The following YLPM1 variants were observed in gnomAD, a reference collection of about 807,000 sequenced individuals.
YLPM1 encodes YLP motif containing 1.
A neutral mutation model predicts 230.0 loss-of-function variants in YLPM1; 99 were observed. That is an observed-to-expected ratio of 0.43 (90% CI 0.37 to 0.51). The LOEUF is 0.51. YLPM1 is among the 20% of genes least tolerant of loss of function. The pLI is 0.00. For synonymous variants in YLPM1, 984 were observed against 942.5 expected, an observed-to-expected ratio of 1.04 and a Z score of -0.81; for missense variants, 2,592 against 2,707.7, an observed-to-expected ratio of 0.96 and a Z score of 0.95.
At chr14:74,817,556 A>G (rs764836572) in intron 15 of YLPM1, among the ~76,000 whole-genome samples, 18 of 152,226 alleles carry the variant, frequency 1.2e-4, no homozygotes, top group Non-Finnish European at 2.2e-4. Context: ...TGTTCACACA[A>G]TGACAAAATT....
intron 4 of YLPM1, among the ~76,000 whole-genome samples, chr14:74,794,160 A>T (rs1211011370): frequency 6.6e-6 from 1 of 151,120 alleles, no homozygotes; most frequent in Admixed American, 6.6e-5. Context: ...GCTGAGCTAA[A>T]CTCCATTTCC....
Position 74,781,831 on chromosome 14 carries a change from G to A in YLPM1, c.1788G>A (p.Leu596=). 2 of 1,604,944 alleles carry A rather than the reference G, an allele frequency of 1.2e-6. No individual in the cohort carries two copies. The highest frequency in any genetic ancestry group is 1.7e-6 in the Non-Finnish European group (2 of 1,177,392). ...GPPPVLPPPS[L]SSAGPPPVLP... Reference sequence around the variant, plus strand: ...CACCAGTTCTCCCCCCACCTTCCCTGTCTTCTGCAGGGCCACCACCAGTTC... The same window carrying A: ...CACCAGTTCTCCCCCCACCTTCCCTATCTTCTGCAGGGCCACCACCAGTTC... The change falls in exon 4 of 21, where the codon CTG becomes CTA. Residue 596 remains leucine (L), a synonymous_variant. Transcript: ENST00000325680.
chr14:74,793,134 A>T (rs1024448174), intron 4 of YLPM1, among the ~76,000 whole-genome samples: 28 of 151,984 alleles, frequency 1.8e-4, no homozygotes, highest in African/African-American at 6.8e-4. Context: ...CTGAAATTTC[A>T]GTGTTTTTTG....
At chr14:74,769,789 C>T (rs2090956001) in intron 1 of YLPM1, among the ~76,000 whole-genome samples, 1 of 151,508 alleles carries the variant, frequency 6.6e-6, no homozygotes, top group African/African-American at 2.4e-5. Context: ...ACCTGTAATC[C>T]CAGTTCTTTG....
At chr14:74,815,751 T>C (rs112816046) in intron 11 of YLPM1, among the ~76,000 whole-genome samples, 2 of 152,168 alleles carry the variant, frequency 1.3e-5, no homozygotes, top group African/African-American at 4.8e-5. Context: ...AAGTTATTGA[T>C]TTGAGACCTA....
At chr14:74,765,142 ATTC>A (rs1164566170) in intron 1 of YLPM1, among the ~76,000 whole-genome samples, 3 of 152,246 alleles carry the variant, frequency 2.0e-5, no homozygotes, top group Non-Finnish European at 2.9e-5. Context: ...AGAGTCAGCC[ATTC>A]TTATCCCGCA....
At position 74,799,272 on chromosome 14, in the gene YLPM1, A is replaced by G. The variant is rs778221363; in HGVS notation, c.3975A>G (p.Glu1325=). The change falls in exon 5 of 21, where the codon GAA becomes GAG. Residue 1325 remains glutamate (E), a synonymous_variant. Transcript: ENST00000325680. ...PLDEQESQFR[E]RDIPSLPPLP... ...ATGAACAAGAATCACAGTTTCGTGA[A>G]CGGGATATTCCATCTCTTCCACCTT... is the stretch of plus-strand genomic sequence containing the variant. 1 of 1,614,020 alleles carries G rather than the reference A, an allele frequency of 6.2e-7. No individual in the cohort carries two copies. Among genetic ancestry groups the G allele is most frequent in the Non-Finnish European group, 8.5e-7 (1 of 1,179,896 alleles).
Position 74,797,897 on chromosome 14 carries a change from C to T in YLPM1, c.2600C>T (p.Ala867Val). Residue 867 changes from alanine (A) to valine (V), a missense_variant, in exon 5 of 21, where the codon GCA becomes GTA. Transcript: ENST00000325680. ...CTTTCAGGAAACAAAGAACCATTAG[C>T]AGACACCAGTAGTAACCAGCAGAAG... ...EPLSGNKEPL[A>V]DTSSNQQKNF... 1 of 1,613,982 alleles carries T rather than the reference C, an allele frequency of 6.2e-7. No homozygotes were observed. Among genetic ancestry groups the T allele is most frequent in the Non-Finnish European group, 8.5e-7 (1 of 1,179,876 alleles).
At chr14:74,769,749 A>G (rs1251370752) in intron 1 of YLPM1, among the ~76,000 whole-genome samples, 1 of 151,546 alleles carries the variant, frequency 6.6e-6, no homozygotes, top group African/African-American at 2.4e-5. Context: ...AATGAACTCT[A>G]AAGAATAAGT....
chr14:74,799,409 T>C lies in YLPM1; in HGVS notation c.4112T>C (p.Leu1371Ser). The C allele has an allele frequency of 6.2e-7, 1 of 1,613,882 alleles. No homozygotes were observed. The highest frequency in any genetic ancestry group is 8.5e-7 in the Non-Finnish European group (1 of 1,179,876). ...YDRDFRDRGE[L>S]RIREYPERGD... ...CGAGATTTCCGTGATAGGGGTGAGT[T>C]GAGGATTCGAGAGTATCCAGAAAGA... The change falls in exon 5 of 21, where the codon TTG (leucine) becomes TCG (serine). Residue 1371 changes from leucine (L) to serine (S), a missense_variant. Physicochemically the swap from Leu to Ser is moderately radical, Grantham distance 145. This residue lies in a region of YLPM1 where 1,862 missense variants were observed against 1,819.8 expected (regional missense o/e 1.02). Transcript: ENST00000325680.
intron 6 of YLPM1, among the ~76,000 whole-genome samples, chr14:74,807,064 G>A (rs2091386641): frequency 6.6e-6 from 1 of 152,000 alleles, no homozygotes; most frequent in Non-Finnish European, 1.5e-5. Flanking sequence ...TACTTTAAAA[G>A]TTTACCTTTA....
intron 6 of YLPM1, among the ~76,000 whole-genome samples, chr14:74,803,802 A>T (rs953801643): frequency 8.5e-5 from 13 of 152,250 alleles, no homozygotes; most frequent in Admixed American, 4.6e-4. Flanking sequence ...TCAAATTCTC[A>T]AGTATAATTA....
chr14:74,812,237 A>C (rs1429335211), intron 10 of YLPM1, among the ~76,000 whole-genome samples: 1 of 152,200 alleles, frequency 6.6e-6, no homozygotes, highest in Non-Finnish European at 1.5e-5. Flanking sequence ...CTAGAAACTC[A>C]TACCTATTTT....
intron 2 of YLPM1, among the ~76,000 whole-genome samples, chr14:74,778,955 C>T (rs1267534003): frequency 6.6e-6 from 1 of 152,116 alleles, no homozygotes; most frequent in Non-Finnish European, 1.5e-5. Context: ...ATTCTTCTGC[C>T]TCAGCCTCCT....
rs542244457 is a variant in YLPM1 at position 74,783,269 on chromosome 14, A to G, written c.2282+944A>G. ...ACTTCGTAGAGATGGGGATCTTCCT[A>G]TGTTGACCAGGCTGGTCTCAAACTC... On this transcript the variant is annotated intron_variant, in intron 4 of 20. Transcript: ENST00000325680. Among the ~76,000 whole-genome samples, 4 of 152,164 alleles carry G rather than the reference A, an allele frequency of 2.6e-5. No homozygotes were observed. In the South Asian group the frequency reaches 8.3e-4, roughly 32 times the overall value.
intron 2 of YLPM1, among the ~76,000 whole-genome samples, chr14:74,779,806 T>TCCCCTCCCCTCCCCTCCCCC (rs2091075854): frequency 7.3e-6 from 1 of 137,874 alleles, no homozygotes; most frequent in African/African-American, 2.8e-5. Flanking sequence ...TCCCCTCCCC[T>TCCCCTCCCCTCCCCTCCCCC]CCTTTTTTTT....
In YLPM1 at chr14:74,778,635, A is replaced by G. The variant is rs1485254658; in HGVS notation, c.1062A>G (p.Pro354=). The G allele has an allele frequency of 1.9e-6, 3 of 1,589,088 alleles. No homozygotes were observed. Among genetic ancestry groups the G allele is most frequent in the Non-Finnish European group, 2.6e-6 (3 of 1,168,128 alleles). Residue 354 remains proline, a synonymous_variant, in exon 2 of 21, where the codon CCA becomes CCG. Transcript: ENST00000325680. ...ESPSSEEPPL[P]PPNEEVPPPL... The stretch of plus-strand genomic sequence containing the variant: ...CTTCTTCTGAGGAGCCCCCATTGCC[A>G]CCTCCAAATGAGGAAGTGCCACCTC...
At chr14:74,776,665 C>T (rs373257785) in intron 1 of YLPM1, among the ~76,000 whole-genome samples, 7 of 152,280 alleles carry the variant, frequency 4.6e-5, no homozygotes, top group African/African-American at 1.7e-4. Context: ...CACTTCATCT[C>T]GGCTGGGAAT....
intron 16 of YLPM1, among the ~76,000 whole-genome samples, chr14:74,820,502 C>A (rs544366673): frequency 6.6e-6 from 1 of 152,250 alleles, no homozygotes; most frequent in East Asian, 1.9e-4. Flanking sequence ...CCTGCCCCAA[C>A]CTCACAAAGT....
Sources: gnomAD v4.1 joint callset for allele counts (sites outside exome capture counted in the v4.1 genomes callset) on GRCh38, gnomAD v4.1.1 for gene constraint, gnomAD v4.1.1 regional missense constraint, MANE v1.5 for transcripts, NCBI Gene and HGNC (gene_info 2026-07-23, HGNC 2026-07-21) for gene names.